Variants in LMO7 observed in about 807,000 individuals in gnomAD.
The protein encoded by LMO7 is LIM domain only protein 7.
In LMO7, 120 loss-of-function variants were observed where a neutral mutation model predicts 206.5. The observed-to-expected ratio is 0.58, with a 90% CI of 0.50 to 0.68. The LOEUF (loss-of-function observed/expected upper bound fraction) is 0.68. Among genes scored for constraint, LMO7 ranks in the 30% least tolerant of loss-of-function variants. The pLI, the probability that LMO7 is intolerant of heterozygous loss-of-function variation, is 0.00. For synonymous variants in LMO7, 706 were observed against 681.5 expected (o/e 1.04, Z -0.56); for missense variants, 1,959 against 1,957.9 (o/e 1.00, Z -0.01).
At chr13:75,649,308 T>C (rs1029086760) in intron 1 of LMO7, among the ~76,000 whole-genome samples, 3 of 152,116 alleles carry the variant, frequency 2.0e-5, no homozygotes, top group Non-Finnish European at 4.4e-5. Context: ...CTTTGGAAAA[T>C]GTCTTCTGTT....
At chr13:75,750,987 T>A (rs985572478) in intron 3 of LMO7, among the ~76,000 whole-genome samples, 3 of 152,140 alleles carry the variant, frequency 2.0e-5, no homozygotes, top group Admixed American at 2.0e-4. Context: ...ATCTCTTGAT[T>A]GCTGGCACAT....
chr13:75,805,237 C>A, intron 8 of LMO7: 3 of 1,150,280 alleles, frequency 2.6e-6, no homozygotes, highest in Non-Finnish European at 3.4e-6. Context: ...TTGTTATGTG[C>A]CTCTTCCTTT....
rs768782268 is a variant in LMO7, at chr13:75,817,289, T to G, written c.2064+11T>G. The G allele has an allele frequency of 2.3e-5, 36 of 1,551,460 alleles. No homozygotes were observed. Among genetic ancestry groups the G allele is most frequent in the Non-Finnish European group, 3.0e-5 (34 of 1,125,820 alleles). On this transcript the variant is annotated intron_variant, in intron 12 of 30. Coordinates refer to ENST00000377534, the MANE Select transcript of LMO7 (RefSeq NM_001306080.2). ...CAGAAATGGCAGGATGTGAGTATTTTGGGGATTGGAGGGGAGAGAGTGTAT... is the reference window on the plus strand; with the variant it reads ...CAGAAATGGCAGGATGTGAGTATTTGGGGGATTGGAGGGGAGAGAGTGTAT...
At chr13:75,778,304 C>A (rs1285527950) in intron 4 of LMO7, among the ~76,000 whole-genome samples, 4 of 152,082 alleles carry the variant, frequency 2.6e-5, no homozygotes, top group Non-Finnish European at 1.5e-5. Context: ...GCGATCTCAG[C>A]TCACTGCAAC....
Position 75,838,123 on chromosome 13 carries a change from ATT to A in LMO7, c.3395-9_3395-8del. 3.4e-6 allele frequency: 5 copies of A among 1,450,976 alleles called. No homozygotes were observed. Among genetic ancestry groups the A allele is most frequent in the Non-Finnish European group, 4.8e-6 (5 of 1,036,814 alleles). The allele number at this position is 1,450,976 out of a possible 1,614,324, so 89.9% of individuals were successfully genotyped here. A position where few individuals can be genotyped will look rare whatever the true frequency, so the allele number is the denominator to read the frequency against. ...AATAAAAATGAATGACATAGTGTTT[ATT>A]TTTTTTTCAACTAGCATCTGAATCC... On this transcript the variant is annotated splice_polypyrimidine_tract_variant and intron_variant, in intron 19 of 30. Transcript: ENST00000377534.
chr13:75,847,029 CA>C (rs34127474), intron 26 of LMO7, among the ~76,000 whole-genome samples: 57,956 of 112,414 alleles, frequency 0.52, 12,417 homozygotes, highest in South Asian at 0.59. Flanking sequence ...GACTCTGTCT[CA>C]AAAAAAAAAA....
At chr13:75,703,496 G>A (rs2042426045) in intron 1 of LMO7, among the ~76,000 whole-genome samples, 1 of 152,182 alleles carries the variant, frequency 6.6e-6, no homozygotes, top group Non-Finnish European at 1.5e-5. Flanking sequence ...CAGTAACCTT[G>A]TTGTAGCTCA....
chr13:75,840,417 G>A lies in LMO7; in HGVS notation c.3504G>A (p.Pro1168=), dbSNP rs191972689. 24 of 1,614,026 alleles carry A rather than the reference G, an allele frequency of 1.5e-5. No homozygotes were observed. The Admixed American group carries it at 2.2e-4, about 15-fold the overall frequency. The part of the protein sequence containing the change: ...PDLPVPTISA[P]SRWVWDQEEE... Reference sequence around the variant, plus strand: ...TTCCAGTTCCAACCATCAGTGCCCCGAGTCGCTGGGTGTGGGATCAAGAGG... The same window carrying A: ...TTCCAGTTCCAACCATCAGTGCCCCAAGTCGCTGGGTGTGGGATCAAGAGG... Residue 1168 remains proline (P), a synonymous_variant, in exon 22 of 31, where the codon CCG becomes CCA. Coordinates refer to ENST00000377534, the MANE Select transcript of LMO7 (RefSeq NM_001306080.2).
chr13:75,678,166 G>T (rs1427379906), intron 1 of LMO7, among the ~76,000 whole-genome samples: 1 of 152,118 alleles, frequency 6.6e-6, no homozygotes, highest in African/African-American at 2.4e-5. Flanking sequence ...CCAGTAATGG[G>T]ATTGCTGGGT....
intron 4 of LMO7, among the ~76,000 whole-genome samples, chr13:75,782,458 A>T (rs696777): frequency 0.012 from 1,860 of 152,328 alleles, 47 homozygotes; most frequent in African/African-American, 0.042. Context: ...ATAACACTGA[A>T]TATAGAACTG....
chr13:75,624,993 C>A (rs138531229), intron 2 of LMO7, among the ~76,000 whole-genome samples: 280 of 152,270 alleles, frequency 1.8e-3, no homozygotes, highest in African/African-American at 6.4e-3. Context: ...GGATGGTGGT[C>A]GGCATGAGAA....
At chr13:75,760,621 A>G in intron 3 of LMO7, 2 of 1,430,208 alleles carry the variant, frequency 1.4e-6, no homozygotes, top group Admixed American at 2.7e-5. Context: ...GCTGACATCA[A>G]AGTGTAGATT....
rs778539795 is a variant in LMO7 at position 75,841,117 on chromosome 13, T to C, written c.3591T>C (p.Tyr1197=). The change falls in exon 23 of 31, where the codon TAT becomes TAC. Residue 1197 remains tyrosine (Y), a synonymous_variant. Transcript: ENST00000377534. The stretch of plus-strand genomic sequence containing the variant: ...GTCATATTTTCTTATAGGAAAAATA[T>C]CAACGTGAGCAGGAGAAACTGAGGG... The part of the protein sequence containing the change: ...KEQDRLLQEK[Y]QREQEKLREE... 16 of 1,607,480 alleles carry C rather than the reference T, an allele frequency of 1.0e-5. No homozygotes were observed. The highest frequency in any genetic ancestry group is 1.4e-5 in the Non-Finnish European group (16 of 1,174,950).
chr13:75,651,546 G>A (rs2037565276), intron 1 of LMO7, among the ~76,000 whole-genome samples: 1 of 152,060 alleles, frequency 6.6e-6, no homozygotes, highest in Non-Finnish European at 1.5e-5. Context: ...CTGACCTCAG[G>A]TGATCCACCT....
chr13:75,710,775 T>C (rs1321638047), intron 1 of LMO7, among the ~76,000 whole-genome samples: 1 of 152,106 alleles, frequency 6.6e-6, no homozygotes, highest in African/African-American at 2.4e-5. Flanking sequence ...CTTTTCCTAA[T>C]TGAATGCCCT....
chr13:75,707,256 A>T (rs2137998717), intron 1 of LMO7, among the ~76,000 whole-genome samples: 1 of 152,072 alleles, frequency 6.6e-6, no homozygotes, highest in South Asian at 2.1e-4. Context: ...CTGTTAGTAT[A>T]TTTATTCCAT....
At position 75,835,313 on chromosome 13, in the gene LMO7, G is replaced by T. The variant is rs182631787; in HGVS notation, c.3307G>T (p.Asp1103Tyr). ...EKSSNLSVTT[D>Y]FSESLQSSNI... ...ATCTTCAAATCTATCTGTAACAACTGATTTCTCCGAAAGCCTTCAGAGTTC... is the reference window on the plus strand; with the variant it reads ...ATCTTCAAATCTATCTGTAACAACTTATTTCTCCGAAAGCCTTCAGAGTTC... Residue 1103 changes from aspartate (D) to tyrosine (Y), a missense_variant, in exon 18 of 31, where the codon GAT (aspartate) becomes TAT (tyrosine). Asp to Tyr is a radical substitution (Grantham distance 160, BLOSUM62 -3). Transcript: ENST00000377534. The T allele has an allele frequency of 2.7e-5, 44 of 1,605,024 alleles. No homozygotes were observed. Among genetic ancestry groups the T allele is most frequent in the Middle Eastern group, 3.3e-4 (2 of 6,032 alleles).
chr13:75,809,126 T>C (rs1364247043), intron 10 of LMO7, 28 bp from the exon 11 acceptor site: 6 of 1,589,430 alleles, frequency 3.8e-6, no homozygotes, highest in African/African-American at 1.3e-5. Flanking sequence ...AAAATGACTT[T>C]TTAATTTTTG....
intron 7 of LMO7, among the ~76,000 whole-genome samples, chr13:75,804,021 GA>G (rs1263759024): frequency 6.6e-6 from 1 of 152,030 alleles, no homozygotes; most frequent in African/African-American, 2.4e-5. Flanking sequence ...AAGAGATTGA[GA>G]AAAAAGGGGC....
Sources: gnomAD v4.1 joint callset for allele counts (sites outside exome capture counted in the v4.1 genomes callset) on GRCh38, gnomAD v4.1.1 for gene constraint, MANE v1.5 for transcripts, NCBI Gene and HGNC (gene_info 2026-07-23, HGNC 2026-07-21) for gene names.